The following ERAP1 variants were observed in gnomAD, a reference collection of about 807,000 sequenced individuals.
The protein encoded by ERAP1 is endoplasmic reticulum aminopeptidase 1.
In ERAP1, 86 loss-of-function variants were observed where a neutral mutation model predicts 103.7. The observed-to-expected ratio is 0.83, with a 90% CI of 0.70 to 0.99. ERAP1 has a LOEUF of 0.99. Among genes scored for constraint, ERAP1 ranks in the 50% least tolerant of loss-of-function variants. The pLI is 0.00. For missense variants in ERAP1, 1,009 were observed against 1,128.4 expected (o/e 0.89, Z 1.52); for synonymous variants, 398 against 402.4 (o/e 0.99, Z 0.13).
chr5:96,934,077 A>G, the ERAP1 span: 1 of 152,362 alleles, frequency 6.6e-6, no homozygotes, highest in African/African-American at 2.4e-5. Flanking sequence ...AAACACCACT[A>G]TGTCCTTCAC....
At chr5:96,917,046 C>A in the ERAP1 span, among the ~76,000 whole-genome samples, 1 of 152,150 alleles carries the variant, frequency 6.6e-6, no homozygotes, top group Non-Finnish European at 1.5e-5. Context: ...CAGAGAAATG[C>A]CTATACCTGT....
chr5:96,879,745 A>G, the ERAP1 span: 6 of 1,614,086 alleles, frequency 3.7e-6, no homozygotes, highest in African/African-American at 6.7e-5. Flanking sequence ...ACATTCACAG[A>G]GGATTTTACT....
chr5:96,883,886 A>G, the ERAP1 span: 1 of 1,613,638 alleles, frequency 6.2e-7, no homozygotes, highest in East Asian at 2.2e-5. Context: ...TTCAATCAAG[A>G]TACGAAGAGA....
the ERAP1 span, chr5:96,902,188 C>G: frequency 1.2e-5 from 11 of 884,338 alleles, no homozygotes; most frequent in East Asian, 1.5e-4. Flanking sequence ...TACTTAGGTG[C>G]CTTTTACAGT....
chr5:96,927,900 A>G, the ERAP1 span, among the ~76,000 whole-genome samples: 1 of 149,678 alleles, frequency 6.7e-6, no homozygotes, highest in Non-Finnish European at 1.5e-5. Context: ...CTGTCTTTTC[A>G]TTTCTTTCTT....
At chr5:96,780,349 T>G in intron 18 of ERAP1, 74 bp downstream of exon 18, 1 of 1,107,178 alleles carries the variant, frequency 9.0e-7, no homozygotes, top group African/African-American at 1.6e-5. Flanking sequence ...CCTCAAAGTA[T>G]TTTGTCTACC....
chr5:96,883,005 G>A, the ERAP1 span, among the ~76,000 whole-genome samples: 26 of 152,178 alleles, frequency 1.7e-4, no homozygotes, highest in South Asian at 5.2e-3. Flanking sequence ...CTGGTGTTGG[G>A]GTAGAGAAGT....
At chr5:96,927,355 T>A in the ERAP1 span, among the ~76,000 whole-genome samples, 3 of 152,378 alleles carry the variant, frequency 2.0e-5, no homozygotes, top group South Asian at 6.2e-4. Flanking sequence ...TCCTAGTAGA[T>A]GTGAAGTGGT....
At chr5:96,819,526 A>G in the ERAP1 span, among the ~76,000 whole-genome samples, 100,372 of 151,966 alleles carry the variant, frequency 0.66, 33,636 homozygotes, top group Non-Finnish European at 0.72. Flanking sequence ...TGTGTGTGAG[A>G]GAGAGAGAGA....
the ERAP1 span, chr5:96,900,022 T>C: frequency 1.6e-5 from 22 of 1,365,028 alleles, no homozygotes; most frequent in African/African-American, 1.7e-4. Flanking sequence ...AATTATTTCA[T>C]ATAGCTCTTT....
the ERAP1 span, among the ~76,000 whole-genome samples, chr5:96,875,747 C>T: frequency 1.5e-4 from 23 of 152,118 alleles, no homozygotes; most frequent in Non-Finnish European, 2.1e-4. Context: ...CATCCATGTA[C>T]TGTTGGTCCA....
the ERAP1 span, among the ~76,000 whole-genome samples, chr5:96,913,781 T>A: frequency 6.6e-6 from 1 of 152,196 alleles, no homozygotes; most frequent in Non-Finnish European, 1.5e-5. Flanking sequence ...CCCAGAAGAA[T>A]CCCAAGATGC....
At chr5:96,924,457 C>T in the ERAP1 span, among the ~76,000 whole-genome samples, 1 of 152,158 alleles carries the variant, frequency 6.6e-6, no homozygotes, top group African/African-American at 2.4e-5. Flanking sequence ...CTCAAGGACA[C>T]ATTTTATGGG....
chr5:96,793,690 A>AT, intron 6 of ERAP1, 113 bp downstream of exon 6: 1 of 1,207,468 alleles, frequency 8.3e-7, no homozygotes, highest in Non-Finnish European at 1.2e-6. Flanking sequence ...TGGAGAAACA[A>AT]TTTTTCCTAT....
At chr5:96,906,176 ACACT>A in the ERAP1 span, among the ~76,000 whole-genome samples, 1 of 114,848 alleles carries the variant, frequency 8.7e-6, no homozygotes, top group African/African-American at 3.4e-5. Context: ...CCACGACACG[ACACT>A]GTCTCTTTTT....
the ERAP1 span, among the ~76,000 whole-genome samples, chr5:96,927,215 T>C: frequency 6.6e-6 from 1 of 152,262 alleles, no homozygotes; most frequent in African/African-American, 2.4e-5. Context: ...GCTTAACCTT[T>C]TGGGGAGCTG....
At chr5:96,790,756 C>A (rs997476550) in intron 8 of ERAP1, 113 bp from the exon 9 acceptor site, 1 of 935,194 alleles carries the variant, frequency 1.1e-6, no homozygotes, top group South Asian at 1.5e-5. Flanking sequence ...TGCAGGAACA[C>A]TGTTAATGTC....
At chr5:96,832,073 A>G in the ERAP1 span, among the ~76,000 whole-genome samples, 1 of 152,230 alleles carries the variant, frequency 6.6e-6, no homozygotes. Flanking sequence ...GCTTCACAGA[A>G]TGGGTCTGAG....
At chr5:96,889,479 T>C in the ERAP1 span, 1 of 762,060 alleles carries the variant, frequency 1.3e-6, no homozygotes, top group African/African-American at 1.7e-5. Context: ...AAAATATTTA[T>C]GACATGCCCC....
Sources: gnomAD v4.1 joint callset for allele counts (sites outside exome capture counted in the v4.1 genomes callset) on GRCh38, gnomAD v4.1.1 for gene constraint, MANE v1.5 for transcripts, NCBI Gene and HGNC (gene_info 2026-07-23, HGNC 2026-07-21) for gene names.